The following OPCML variants were observed in gnomAD, a reference collection of about 807,000 sequenced individuals.
The protein encoded by OPCML is opioid binding protein/cell adhesion molecule like, also known as opioid-binding protein/cell adhesion molecule.
OPCML carries 13 observed loss-of-function variants against 37.8 expected under a neutral mutation model. The ratio of observed to expected loss-of-function variants is 0.34; its 90% CI spans 0.22 to 0.55. The LOEUF is 0.55. OPCML is among the 20% of genes least tolerant of loss of function. OPCML has a pLI of 0.91. For synonymous variants in OPCML, 176 were observed against 168.8 expected (o/e 1.04, Z -0.33); for missense variants, 341 against 435.6 (o/e 0.78, Z 1.93).
At chr11:132,771,287 A>G (rs1466708172) in intron 2 of OPCML, among the ~76,000 whole-genome samples, 1 of 152,202 alleles carries the variant, frequency 6.6e-6, no homozygotes, top group East Asian at 1.9e-4. Flanking sequence ...GCTTAGTGCC[A>G]AATTTCCTGT....
chr11:132,977,967 GAC>G (rs1946500382), intron 1 of OPCML, among the ~76,000 whole-genome samples: 1 of 152,212 alleles, frequency 6.6e-6, no homozygotes, highest in Non-Finnish European at 1.5e-5. Context: ...GGCCAGAGGA[GAC>G]ACGGAAGTCC....
At chr11:132,486,688 C>G (rs1269181386) in intron 4 of OPCML, among the ~76,000 whole-genome samples, 2 of 149,368 alleles carry the variant, frequency 1.3e-5, no homozygotes, top group Non-Finnish European at 3.0e-5. Context: ...TCCTTTCTTT[C>G]TTTCCTTTTT....
chr11:133,167,168 C>A (rs1950218962), intron 1 of OPCML, among the ~76,000 whole-genome samples: 1 of 152,162 alleles, frequency 6.6e-6, no homozygotes, highest in Non-Finnish European at 1.5e-5. Flanking sequence ...TGGAAGGCTG[C>A]TCGGGCACTA....
chr11:133,454,167 C>A (rs985884641), intron 1 of OPCML, among the ~76,000 whole-genome samples: 2 of 152,100 alleles, frequency 1.3e-5, no homozygotes, highest in Non-Finnish European at 2.9e-5. Context: ...CTGTGGAAAT[C>A]AAGTTTCATT....
intron 4 of OPCML, among the ~76,000 whole-genome samples, chr11:132,528,124 CA>C (rs2096313608): frequency 6.6e-6 from 1 of 152,076 alleles, no homozygotes. Context: ...TTGAGTATTT[CA>C]GTATTAATAT....
chr11:132,666,301 C>A, intron 2 of OPCML, among the ~76,000 whole-genome samples: 1 of 152,096 alleles, frequency 6.6e-6, no homozygotes, highest in East Asian at 1.9e-4. Flanking sequence ...TATCACATGG[C>A]AAGAGAGGGA....
At chr11:132,451,461 G>A (rs1323428672) in intron 4 of OPCML, among the ~76,000 whole-genome samples, 1 of 152,180 alleles carries the variant, frequency 6.6e-6, no homozygotes, top group Admixed American at 6.5e-5. Flanking sequence ...TAGAAGGCCT[G>A]GGATCAGTCC....
intron 2 of OPCML, among the ~76,000 whole-genome samples, chr11:132,685,539 AC>A (rs1051456474): frequency 6.6e-6 from 1 of 152,192 alleles, no homozygotes; most frequent in African/African-American, 2.4e-5. Flanking sequence ...AGGAGAAGAC[AC>A]ATGTTTTAAA....
intron 1 of OPCML, chr11:133,024,429 C>G (rs989390078): frequency 2.0e-6 from 2 of 984,770 alleles, no homozygotes; most frequent in Non-Finnish European, 2.4e-6. Context: ...AATTGTAGGT[C>G]AAGCACACAC....
At chr11:133,278,196 C>T (rs187951232) in intron 1 of OPCML, among the ~76,000 whole-genome samples, 1 of 152,206 alleles carries the variant, frequency 6.6e-6, no homozygotes, top group East Asian at 1.9e-4. Flanking sequence ...CACCCAAATG[C>T]CACAACTACA....
chr11:132,461,783 C>T (rs1334806058), intron 4 of OPCML, among the ~76,000 whole-genome samples: 1 of 152,100 alleles, frequency 6.6e-6, no homozygotes, highest in Non-Finnish European at 1.5e-5. Context: ...GGGAAGGAAA[C>T]ATGTCCTTCT....
intron 1 of OPCML, chr11:133,007,515 T>C (rs1349107079): frequency 2.0e-6 from 2 of 985,352 alleles, no homozygotes. Context: ...GAATCTCTGT[T>C]CCTTTGGAAG....
At chr11:133,399,069 T>G (rs1945346574) in intron 1 of OPCML, among the ~76,000 whole-genome samples, 1 of 152,236 alleles carries the variant, frequency 6.6e-6, no homozygotes, top group African/African-American at 2.4e-5. Flanking sequence ...ATCACATAAT[T>G]ATTTGTTACT....
At chr11:133,018,317 A>G (rs1460844732) in intron 1 of OPCML, among the ~76,000 whole-genome samples, 1 of 152,172 alleles carries the variant, frequency 6.6e-6, no homozygotes, top group Non-Finnish European at 1.5e-5. Flanking sequence ...AGTGCAGTAT[A>G]TATGTATGTA....
chr11:132,598,451 G>T (rs557696435), intron 3 of OPCML, among the ~76,000 whole-genome samples: 1 of 151,962 alleles, frequency 6.6e-6, no homozygotes, highest in African/African-American at 2.4e-5. Context: ...AATTTCCAAC[G>T]CACGCCATTT....
intron 3 of OPCML, among the ~76,000 whole-genome samples, chr11:132,583,642 G>C (rs899968009): frequency 2.6e-5 from 4 of 151,904 alleles, no homozygotes; most frequent in Non-Finnish European, 5.9e-5. Context: ...TTGAAAGAGA[G>C]TTTTGCTCTT....
chr11:133,273,695 AGGAGCCCTCTT>A (rs1475627940), intron 1 of OPCML, among the ~76,000 whole-genome samples: 3 of 152,182 alleles, frequency 2.0e-5, no homozygotes, highest in East Asian at 1.9e-4. Context: ...CGCAGGAAGA[AGGAGCCCTCTT>A]GGAGCCCTCT....
At chr11:132,908,647 C>T (rs911323351) in intron 2 of OPCML, among the ~76,000 whole-genome samples, 1 of 152,148 alleles carries the variant, frequency 6.6e-6, no homozygotes, top group Admixed American at 6.5e-5. Flanking sequence ...TTGACCACAG[C>T]GCCACCAGTT....
intron 2 of OPCML, among the ~76,000 whole-genome samples, chr11:132,729,991 T>C (rs1945019896): frequency 6.7e-6 from 1 of 148,818 alleles, no homozygotes; most frequent in South Asian, 2.1e-4. Flanking sequence ...TGTTTACCAA[T>C]GCAGTCTTCT....
Sources: allele counts gnomAD v4.1 joint callset (sites outside exome capture counted in the v4.1 genomes callset), GRCh38; gene constraint gnomAD v4.1.1; transcripts MANE v1.5; gene names NCBI Gene and HGNC (gene_info 2026-07-23, HGNC 2026-07-21).